The following XRCC4 variants were observed in gnomAD, a reference collection of about 807,000 sequenced individuals.
XRCC4 encodes the protein DNA repair protein XRCC4.
In XRCC4, 28 loss-of-function variants were observed where a neutral mutation model predicts 39.1. The ratio of observed to expected loss-of-function variants is 0.72; its 90% confidence interval spans 0.53 to 0.98. The LOEUF is 0.98. XRCC4 is among the 50% of genes least tolerant of loss of function. The pLI is 0.00. For missense variants in XRCC4, 350 were observed against 376.4 expected (o/e 0.93, Z 0.58); for synonymous variants, 123 against 126.4 (o/e 0.97, Z 0.18).
At chr5:83,290,563 C>T (rs1229431109) in intron 7 of XRCC4, among the ~76,000 whole-genome samples, 1 of 151,646 alleles carries the variant, frequency 6.6e-6, no homozygotes, top group Non-Finnish European at 1.5e-5. Flanking sequence ...TAAGGCCCAA[C>T]CTGGTGTTGC....
chr5:83,199,972 A>T (rs75149886), intron 4 of XRCC4, among the ~76,000 whole-genome samples: 1 of 152,132 alleles, frequency 6.6e-6, no homozygotes, highest in South Asian at 2.1e-4. Context: ...GGTCTGATCT[A>T]GTTGTACATG....
At chr5:83,103,011 T>TATATATATATAC (rs1746015462) in intron 1 of XRCC4, among the ~76,000 whole-genome samples, 1 of 141,872 alleles carries the variant, frequency 7.0e-6, no homozygotes, top group East Asian at 2.0e-4. Flanking sequence ...ATAGAGCTGA[T>TATATATATATAC]ATATATATAT....
At chr5:83,279,399 G>A (rs1164059356) in intron 7 of XRCC4, among the ~76,000 whole-genome samples, 2 of 152,120 alleles carry the variant, frequency 1.3e-5, no homozygotes, top group African/African-American at 4.8e-5. Context: ...CTATGGCACT[G>A]AATTATCTAC....
In XRCC4 at chr5:83,352,046, C is replaced by A. The variant is rs540112889; in HGVS notation, c.894-1085C>A. On this transcript the variant is annotated intron_variant, in intron 7 of 7. Transcript: ENST00000396027. ...TACATCAACTCATTTCATCTTTAGA[C>A]CACCTCTAGACAAATACTAATATCT... is the stretch of plus-strand genomic sequence containing the variant. Among the ~76,000 whole-genome samples the A allele has an allele frequency of 5.9e-5, 9 of 152,306 alleles. No homozygotes were observed. The South Asian group carries it at 1.9e-3, about 32-fold the overall frequency.
rs571398444 is a variant in XRCC4 at position 83,138,649 on chromosome 5, A to C, written c.315+27446A>C. ...TTAATGCATATTATGTTACTCTGCC[A>C]GAAAATTCAACAAAGGATTATCCAT... On this transcript the variant is annotated intron_variant, in intron 3 of 7. Coordinates refer to ENST00000396027, the MANE Select transcript of XRCC4 (RefSeq NM_003401.5). Among the ~76,000 whole-genome samples the C allele has an allele frequency of 4.6e-5, 7 of 152,264 alleles. No individual in the cohort carries two copies. The South Asian group carries it at 1.4e-3, about 32-fold the overall frequency.
At chr5:83,361,603 C>A in the XRCC4 span, among the ~76,000 whole-genome samples, 1 of 151,678 alleles carries the variant, frequency 6.6e-6, no homozygotes, top group Non-Finnish European at 1.5e-5. Flanking sequence ...TTTACCATAA[C>A]TCTATTCTTT....
Position 83,321,117 on chromosome 5 carries a change from C to T in XRCC4, c.894-32014C>T, listed in dbSNP as rs539625282. Among the ~76,000 whole-genome samples the T allele has an allele frequency of 7.2e-5, 11 of 152,182 alleles. No individual in the cohort carries two copies. The East Asian group carries it at 1.9e-3, about 27-fold the overall frequency. On this transcript the variant is annotated intron_variant, in intron 7 of 7. Transcript: ENST00000396027. ...AGCAAGTTATGTACATTTCTTTAGACATAATGCTGTTGCACACTTAATAGG... is the reference window on the plus strand; with the variant it reads ...AGCAAGTTATGTACATTTCTTTAGATATAATGCTGTTGCACACTTAATAGG...
chr5:83,144,267 C>CTG (rs56769195), intron 3 of XRCC4, among the ~76,000 whole-genome samples: 19,809 of 139,844 alleles, frequency 0.14, 1,474 homozygotes, highest in African/African-American at 0.19. Flanking sequence ...TAATATTCCT[C>CTG]TGTGTGTGTG....
chr5:83,106,044 A>C (rs1342801049), intron 2 of XRCC4, among the ~76,000 whole-genome samples: 2 of 152,182 alleles, frequency 1.3e-5, no homozygotes, highest in Non-Finnish European at 2.9e-5. Flanking sequence ...ATGTTGATGT[A>C]GGGATTCCTG....
chr5:83,285,696 G>A (rs1463794957), intron 7 of XRCC4, among the ~76,000 whole-genome samples: 11 of 152,014 alleles, frequency 7.2e-5, no homozygotes, highest in Non-Finnish European at 2.9e-5. Flanking sequence ...AATTAATATC[G>A]GTCAAGGGGG....
chr5:83,309,834 A>G (rs1439456685), intron 7 of XRCC4, among the ~76,000 whole-genome samples: 3 of 151,938 alleles, frequency 2.0e-5, no homozygotes, highest in Non-Finnish European at 4.4e-5. Context: ...CATCTATCAC[A>G]TCTCTGCAGT....
At chr5:83,337,091 T>A (rs956349850) in intron 7 of XRCC4, among the ~76,000 whole-genome samples, 1 of 152,170 alleles carries the variant, frequency 6.6e-6, no homozygotes, top group South Asian at 2.1e-4. Flanking sequence ...TCTGTGTAAA[T>A]TGTATATGAA....
intron 2 of XRCC4, among the ~76,000 whole-genome samples, chr5:83,108,533 G>C (rs1746303197): frequency 6.6e-6 from 1 of 151,772 alleles, no homozygotes; most frequent in Non-Finnish European, 1.5e-5. Flanking sequence ...ATTAGCACTT[G>C]AATTTGAGCT....
intron 6 of XRCC4, among the ~76,000 whole-genome samples, chr5:83,229,048 G>A (rs1021800580): frequency 2.0e-5 from 3 of 151,908 alleles, no homozygotes; most frequent in Non-Finnish European, 2.9e-5. Context: ...TGTTGAATGC[G>A]GGTTAGCATC....
At chr5:83,219,331 C>T (rs1428236594) in intron 6 of XRCC4, among the ~76,000 whole-genome samples, 1 of 151,968 alleles carries the variant, frequency 6.6e-6, no homozygotes, top group African/African-American at 2.4e-5. Flanking sequence ...GATTTCCACC[C>T]ATAACAATGC....
At chr5:83,275,316 A>C (rs1028002832) in intron 7 of XRCC4, among the ~76,000 whole-genome samples, 1 of 144,458 alleles carries the variant, frequency 6.9e-6, no homozygotes, top group African/African-American at 2.6e-5. Flanking sequence ...TTTTTTTGAG[A>C]CGGAGTCTCG....
At chr5:83,084,779 C>G (rs1318734708) in intron 1 of XRCC4, among the ~76,000 whole-genome samples, 1 of 152,054 alleles carries the variant, frequency 6.6e-6, no homozygotes, top group Non-Finnish European at 1.5e-5. Context: ...AGATAATGAG[C>G]TAGACTTCCC....
At chr5:83,351,903 G>T (rs568180638) in intron 7 of XRCC4, among the ~76,000 whole-genome samples, 2 of 152,034 alleles carry the variant, frequency 1.3e-5, no homozygotes, top group African/African-American at 4.8e-5. Flanking sequence ...GATATTTGGG[G>T]GTTTTCATTG....
the XRCC4 span, among the ~76,000 whole-genome samples, chr5:83,369,016 A>G: frequency 3.9e-5 from 6 of 152,182 alleles, no homozygotes; most frequent in Non-Finnish European, 5.9e-5. Context: ...AAGGCACAAT[A>G]TTTCAACTAG....
Sources: gnomAD v4.1 joint callset for allele counts (sites outside exome capture counted in the v4.1 genomes callset) on GRCh38, gnomAD v4.1.1 for gene constraint, MANE v1.5 for transcripts, NCBI Gene and HGNC (gene_info 2026-07-23, HGNC 2026-07-21) for gene names.